Variants in TTC1 observed in about 807,000 individuals in gnomAD.
The protein encoded by TTC1 is tetratricopeptide repeat protein 1.
In TTC1, 31 loss-of-function variants were observed where a neutral mutation model predicts 37.6. The ratio of observed to expected loss-of-function variants is 0.82; its 90% CI spans 0.62 to 1.11. TTC1 has a LOEUF of 1.11. Ranked by LOEUF, TTC1 falls within the 50% of genes most tolerant of loss-of-function variation. The pLI is 0.00. For synonymous variants in TTC1, 127 were observed against 122.4 expected, an observed-to-expected ratio of 1.04 and a Z score of -0.25; for missense variants, 351 against 339.0, an observed-to-expected ratio of 1.04 and a Z score of -0.28.
At chr5:160,045,520 A>ACACACACACACACACTCT (rs1202139318) in intron 5 of TTC1, among the ~76,000 whole-genome samples, 1 of 54,882 alleles carries the variant, frequency 1.8e-5, no homozygotes, top group Admixed American at 2.3e-4. Flanking sequence ...ACACATACAC[A>ACACACACACACACACTCT]CTCTCTCTCT....
chr5:160,047,705 C>T (rs983510909), intron 5 of TTC1, among the ~76,000 whole-genome samples: 3 of 152,112 alleles, frequency 2.0e-5, no homozygotes, highest in African/African-American at 7.2e-5. Context: ...ACATTTCAGC[C>T]TCTGATCCCC....
At chr5:160,038,010 G>GT (rs1186341106) in intron 4 of TTC1, among the ~76,000 whole-genome samples, 32 of 150,472 alleles carry the variant, frequency 2.1e-4, no homozygotes, top group Admixed American at 1.2e-3. Flanking sequence ...TTTTGTTGTT[G>GT]TTGTTTTTTT....
At chr5:160,012,720 CT>C (rs746297170) in intron 2 of TTC1, among the ~76,000 whole-genome samples, 6 of 152,224 alleles carry the variant, frequency 3.9e-5, no homozygotes, top group East Asian at 3.9e-4. Context: ...TAGAACAATA[CT>C]TTTTTTCACT....
chr5:160,015,184 G>A (rs139079064), intron 2 of TTC1, among the ~76,000 whole-genome samples: 1 of 152,260 alleles, frequency 6.6e-6, no homozygotes, highest in East Asian at 1.9e-4. Flanking sequence ...GAGGGCAAGT[G>A]CTGGAGATTA....
chr5:160,011,508 G>T (rs915130032), intron 2 of TTC1, among the ~76,000 whole-genome samples: 1 of 152,202 alleles, frequency 6.6e-6, no homozygotes, highest in African/African-American at 2.4e-5. Context: ...ACTAGCCCAA[G>T]ATCAAACACC....
In TTC1 at chr5:160,057,877, T is replaced by G. The variant is rs1757584624; in HGVS notation, c.745+6694T>G. Among the ~76,000 whole-genome samples the G allele has an allele frequency of 6.6e-6, 1 of 152,072 alleles. No individual in the cohort carries two copies. The highest frequency in any genetic ancestry group is 1.5e-5 in the Non-Finnish European group (1 of 68,004). On this transcript the variant is annotated intron_variant, in intron 7 of 7. Transcript: ENST00000231238. The surrounding 1 kb of genome is among the most constrained non-coding windows in gnomAD (Gnocchi z 4.4). The stretch of plus-strand genomic sequence containing the variant: ...CCGCCTCCTGGGTTCAAACAATTCT[T>G]CTGCCTCAGCCTCCCAAGTAGCTGG...
intron 7 of TTC1, among the ~76,000 whole-genome samples, chr5:160,054,386 G>A (rs886841718): frequency 6.6e-6 from 1 of 152,134 alleles, no homozygotes; most frequent in African/African-American, 2.4e-5. Context: ...GGCCAAGGTG[G>A]GAGGATTGCT....
chr5:160,063,088 T>C (rs1310041701), intron 7 of TTC1, among the ~76,000 whole-genome samples: 5 of 152,236 alleles, frequency 3.3e-5, no homozygotes. Context: ...CATCCCAGGT[T>C]CTGGGAGCTT....
chr5:160,061,671 TCCCC>T (rs1753413065), intron 7 of TTC1: 1 of 150,708 alleles, frequency 6.6e-6, no homozygotes, highest in Non-Finnish European at 1.5e-5. Flanking sequence ...TTTTTTTTTT[TCCCC>T]CTTAAGTGAT....
chr5:160,049,756 C>T (rs997064264), intron 6 of TTC1, 94 bp downstream of exon 6: 13 of 1,135,928 alleles, frequency 1.1e-5, no homozygotes, highest in Non-Finnish European at 1.5e-5. Context: ...AATTAAATTC[C>T]ATTTCTGTGC....
chr5:160,049,079 A>G (rs1173197414), intron 5 of TTC1, among the ~76,000 whole-genome samples: 1 of 152,256 alleles, frequency 6.6e-6, no homozygotes, highest in East Asian at 1.9e-4. Context: ...GGCAAACTAC[A>G]GCCACAAGCC....
At chr5:160,039,278 CTCTT>C (rs1757047758) in intron 4 of TTC1, 1 of 141,706 alleles carries the variant, frequency 7.1e-6, no homozygotes. Flanking sequence ...AGAGTAGGTT[CTCTT>C]TTTTTTTTTT....
chr5:160,010,151 G>C (rs1225346924), intron 1 of TTC1, among the ~76,000 whole-genome samples: 1 of 151,736 alleles, frequency 6.6e-6, no homozygotes, highest in African/African-American at 2.4e-5. Flanking sequence ...CCAGCTACTC[G>C]GGAGGCTGAG....
chr5:160,026,920 G>A (rs1172844025), intron 2 of TTC1, among the ~76,000 whole-genome samples: 1 of 150,540 alleles, frequency 6.6e-6, no homozygotes, highest in Non-Finnish European at 1.5e-5. Flanking sequence ...TAATACTTTG[G>A]ATTTTATTAA....
chr5:160,058,205 A>C (rs1470555960), intron 7 of TTC1, among the ~76,000 whole-genome samples: 1 of 152,222 alleles, frequency 6.6e-6, no homozygotes, highest in African/African-American at 2.4e-5. Context: ...TTGTATCATG[A>C]AATTGTAGCA....
intron 7 of TTC1, among the ~76,000 whole-genome samples, chr5:160,060,696 G>A (rs1356880858): frequency 2.0e-5 from 3 of 152,166 alleles, no homozygotes; most frequent in Non-Finnish European, 4.4e-5. Context: ...TAAACAGCAG[G>A]CAGAAAAACG....
intron 2 of TTC1, among the ~76,000 whole-genome samples, chr5:160,017,525 C>T (rs1342087623): frequency 1.3e-5 from 2 of 152,184 alleles, no homozygotes; most frequent in Non-Finnish European, 2.9e-5. Context: ...GGGATTATTT[C>T]AACATGAATT....
intron 2 of TTC1, among the ~76,000 whole-genome samples, chr5:160,019,709 C>A (rs555431077): frequency 6.6e-6 from 1 of 151,554 alleles, no homozygotes; most frequent in African/African-American, 2.4e-5. Context: ...CTCTGCCTCC[C>A]GAGTAGCTGG....
chr5:160,048,808 G>C (rs569360400), intron 5 of TTC1, among the ~76,000 whole-genome samples: 2 of 152,068 alleles, frequency 1.3e-5, no homozygotes, highest in Non-Finnish European at 2.9e-5. Flanking sequence ...AAAATTAGCC[G>C]GGCATGGTGG....
Sources: allele counts gnomAD v4.1 joint callset (sites outside exome capture counted in the v4.1 genomes callset), GRCh38; gene constraint gnomAD v4.1.1; non-coding constraint Gnocchi (gnomAD v3.1); transcripts MANE v1.5; gene names NCBI Gene and HGNC (gene_info 2026-07-23, HGNC 2026-07-21).